C10orf143: variants seen among roughly 807,000 people sequenced by gnomAD.
C10orf143 encodes the protein uncharacterized protein C10orf143.
At chr10:130,049,768 G>A (rs1299329995) in intron 3 of C10orf143, among the ~76,000 whole-genome samples, 1 of 152,166 alleles carries the variant, frequency 6.6e-6, no homozygotes, top group African/African-American at 2.4e-5. Context: ...CCATTCCACC[G>A]GCAGGACTGA....
chr10:130,101,078 G>A (rs1196468471), intron 1 of C10orf143: 1 of 152,066 alleles, frequency 6.6e-6, no homozygotes, highest in Non-Finnish European at 1.5e-5. Flanking sequence ...AATTAGCGGG[G>A]TGTGGTGGAG....
intron 1 of C10orf143, among the ~76,000 whole-genome samples, chr10:130,083,638 G>A (rs909584432): frequency 1.3e-5 from 2 of 152,130 alleles, no homozygotes; most frequent in Non-Finnish European, 2.9e-5. Flanking sequence ...ACAACAAAGT[G>A]CAAAAGAGTA....
At chr10:130,084,738 T>C (rs1861264263) in intron 1 of C10orf143, among the ~76,000 whole-genome samples, 2 of 152,170 alleles carry the variant, frequency 1.3e-5, no homozygotes. Context: ...AGATTACACT[T>C]ATCACCTAGA....
intron 3 of C10orf143, among the ~76,000 whole-genome samples, chr10:130,077,269 C>T (rs1469063411): frequency 2.0e-5 from 3 of 152,030 alleles, no homozygotes; most frequent in African/African-American, 7.2e-5. Context: ...GTGTGAGAAA[C>T]AACTCAATCA....
chr10:130,064,601 A>C (rs905793152), intron 3 of C10orf143, among the ~76,000 whole-genome samples: 1 of 152,170 alleles, frequency 6.6e-6, no homozygotes, highest in Non-Finnish European at 1.5e-5. Context: ...TGGTACACAG[A>C]AGACTTTCAA....
intron 1 of C10orf143, chr10:130,104,066 T>G (rs1861601217): frequency 6.6e-6 from 1 of 152,140 alleles, no homozygotes; most frequent in Non-Finnish European, 1.5e-5. Flanking sequence ...CAGGGTGTGG[T>G]AAGCAGGGGC....
At chr10:130,062,826 G>A (rs1039454829), downstream of C10orf143, among the ~76,000 whole-genome samples, 4 of 152,028 alleles carry the variant, frequency 2.6e-5, no homozygotes, top group East Asian at 1.9e-4. Context: ...CATCCCTTTC[G>A]TCCTTGTCAC....
intron 3 of C10orf143, among the ~76,000 whole-genome samples, chr10:130,054,437 G>T (rs567443269): frequency 1.3e-5 from 2 of 152,166 alleles, no homozygotes; most frequent in African/African-American, 2.4e-5. Context: ...GGGCATGCAG[G>T]TTGTTTTCAC....
intron 1 of C10orf143, among the ~76,000 whole-genome samples, chr10:130,081,985 T>C (rs1316357985): frequency 6.6e-6 from 1 of 151,094 alleles, no homozygotes; most frequent in Admixed American, 6.6e-5. Context: ...AGGAAAACCC[T>C]GAAGGAAAAA....
chr10:130,107,055 A>AG (rs1343743868), intron 1 of C10orf143: 1 of 1,447,420 alleles, frequency 6.9e-7, no homozygotes, highest in African/African-American at 1.4e-5. Context: ...ATTTATATCC[A>AG]GTTACCTGAA....
chr10:130,084,319 GA>G (rs71007588), intron 1 of C10orf143, among the ~76,000 whole-genome samples: 96,440 of 150,364 alleles, frequency 0.64, 30,953 homozygotes, highest in Admixed American at 0.73. Flanking sequence ...ATCTCAAAAA[GA>G]AAAAAAAAAC....
In C10orf143 at chr10:130,065,953, A is replaced by G. The variant is rs1033656854; in HGVS notation, c.298-1570T>C. ...AGCAGGCGTCTCTTAGGGAAGAGACAGGGGAACTGCAGGGAAATGCTGTTT... is the reference window on the plus strand; with the variant it reads ...AGCAGGCGTCTCTTAGGGAAGAGACGGGGGAACTGCAGGGAAATGCTGTTT... On this transcript the variant is annotated intron_variant, in intron 3 of 3. Coordinates refer to ENST00000637128, the MANE Select transcript of C10orf143 (RefSeq NM_001355042.2). The surrounding 1 kb of genome is among the most constrained non-coding windows in gnomAD (Gnocchi z 4.2). The G allele has an allele frequency of 1.3e-5, 2 of 152,184 alleles. No homozygotes were observed. The highest frequency in any genetic ancestry group is 6.5e-5 in the Admixed American group (1 of 15,278). The allele number at this position is 152,184 out of a possible 1,614,324, so 9.4% of individuals were successfully genotyped here.
downstream of C10orf143, among the ~76,000 whole-genome samples, chr10:130,063,374 CG>C (rs1469810210): frequency 6.6e-6 from 1 of 152,170 alleles, no homozygotes; most frequent in African/African-American, 2.4e-5. Context: ...AAAGATCTTT[CG>C]TAAGGCTACA....
intron 1 of C10orf143, among the ~76,000 whole-genome samples, chr10:130,083,617 G>A (rs1466599152): frequency 6.6e-6 from 1 of 152,146 alleles, no homozygotes; most frequent in Non-Finnish European, 1.5e-5. Context: ...AGAATACATT[G>A]TTAAGTGAAA....
chr10:130,048,564 G>T (rs1182620788), intron 3 of C10orf143, among the ~76,000 whole-genome samples: 1 of 152,166 alleles, frequency 6.6e-6, no homozygotes, highest in Non-Finnish European at 1.5e-5. Context: ...GGAGCCCAAA[G>T]AATTGAGACG....
At chr10:130,085,786 G>GA (rs112576346) in intron 1 of C10orf143, among the ~76,000 whole-genome samples, 87,528 of 151,204 alleles carry the variant, frequency 0.58, 26,069 homozygotes, top group Middle Eastern at 0.66. Flanking sequence ...TTTTTAAAAT[G>GA]AAAAAAAAAT....
chr10:130,110,307 G>A (rs1302991917), intron 1 of C10orf143, among the ~76,000 whole-genome samples: 1 of 152,214 alleles, frequency 6.6e-6, no homozygotes, highest in Admixed American at 6.5e-5. Context: ...CTGGCACGTG[G>A]CAGGCGCTCA....
chr10:130,097,227 C>G (rs138815079), intron 1 of C10orf143, among the ~76,000 whole-genome samples: 71 of 152,162 alleles, frequency 4.7e-4, no homozygotes, highest in African/African-American at 1.6e-3. Context: ...TATGAAAGGT[C>G]AGTAAGTATA....
At chr10:130,071,636 T>A (rs1184947) in intron 3 of C10orf143, among the ~76,000 whole-genome samples, 89,566 of 137,182 alleles carry the variant, frequency 0.65, 27,309 homozygotes, top group Admixed American at 0.73. Flanking sequence ...TATTCTATAT[T>A]TTTTTTTTGA....
Sources: gnomAD v4.1 joint callset for allele counts (sites outside exome capture counted in the v4.1 genomes callset) on GRCh38, gnomAD v4.1.1 for gene constraint, Gnocchi (gnomAD v3.1) non-coding constraint, MANE v1.5 for transcripts, NCBI Gene and HGNC (gene_info 2026-07-23, HGNC 2026-07-21) for gene names.